FANCD2OS: variants seen among roughly 807,000 people sequenced by gnomAD.
The protein encoded by FANCD2OS is FANCD2 opposite strand.
In FANCD2OS, 11 loss-of-function variants were observed where a neutral mutation model predicts 13.2. The ratio of observed to expected loss-of-function variants is 0.83; its 90% CI spans 0.52 to 1.38. The LOEUF (loss-of-function observed/expected upper bound fraction) is 1.38. FANCD2OS is among the 40% of genes most tolerant of loss of function. The pLI, the probability that FANCD2OS is intolerant of heterozygous loss-of-function variation, is 0.00. For synonymous variants in FANCD2OS, 69 were observed against 84.5 expected (o/e 0.82, Z 1.01); for missense variants, 217 against 213.9 (o/e 1.01, Z -0.09).
downstream of FANCD2OS, among the ~76,000 whole-genome samples, chr3:10,102,111 C>T (rs1367048818): frequency 6.7e-6 from 1 of 149,668 alleles, no homozygotes; most frequent in Non-Finnish European, 1.5e-5. Flanking sequence ...TCTGATCTTT[C>T]TGGAGGATTG....
chr3:10,096,424 T>C lies in FANCD2OS; in HGVS notation c.*43+7774A>G, dbSNP rs752376206. 1.2e-6 allele frequency: 2 copies of C among 1,614,136 alleles called. No homozygotes were observed. Among genetic ancestry groups the C allele is most frequent in the East Asian group, 4.5e-5 (2 of 44,882 alleles). ...TCAAAGCTATGCTCACTCTCAACAA[T>C]TGTAGAGAGGCTTTCTGGCTGGGCA... On this transcript the variant is annotated intron_variant, in intron 2 of 2. Coordinates refer to the FANCD2OS transcript ENST00000524279.
At chr3:10,093,748 G>A (rs1377442282) in intron 2 of FANCD2OS, among the ~76,000 whole-genome samples, 1 of 152,166 alleles carries the variant, frequency 6.6e-6, no homozygotes, top group East Asian at 1.9e-4. Flanking sequence ...CCCTAGATTT[G>A]ATGGGAAGTC....
chr3:10,081,635 C>A, intron 2 of FANCD2OS: 1 of 683,328 alleles, frequency 1.5e-6, no homozygotes, highest in African/African-American at 1.8e-5. Flanking sequence ...TGATCTTGTA[C>A]CCTCTGAGTC....
At position 10,104,083 on chromosome 3, in the gene FANCD2OS, G is replaced by A. The variant is rs1214184109; in HGVS notation, c.*158C>T. The A allele has an allele frequency of 3.1e-6, 2 of 642,608 alleles. No individual in the cohort carries two copies. Among genetic ancestry groups the A allele is most frequent in the African/African-American group, 1.8e-5 (1 of 54,516 alleles). 39.8% of individuals were successfully genotyped at this position (642,608 alleles called of 1,614,324 possible). Reference sequence around the variant, plus strand: ...TCTATCATTGGTCCTTTTTTGGAGGGGAAGGGATGAAAGGGGCTCCTGAAT... The same window carrying A: ...TCTATCATTGGTCCTTTTTTGGAGGAGAAGGGATGAAAGGGGCTCCTGAAT... On this transcript the variant is annotated 3_prime_UTR_variant, in exon 2 of 2. Coordinates refer to ENST00000450660, the MANE Select transcript of FANCD2OS (RefSeq NM_001164839.2).
intron 2 of FANCD2OS, among the ~76,000 whole-genome samples, chr3:10,093,819 A>T (rs1694795848): frequency 6.6e-6 from 1 of 152,166 alleles, no homozygotes; most frequent in Non-Finnish European, 1.5e-5. Context: ...TTCCAAGTGG[A>T]TGGTGCCCCA....
chr3:10,083,814 G>A (rs756886854), intron 2 of FANCD2OS: 2 of 148,488 alleles, frequency 1.3e-5, no homozygotes, highest in Non-Finnish European at 3.0e-5. Flanking sequence ...CCTTAACCCG[G>A]GAGGTGGAGC....
At chr3:10,081,516 G>A (rs1176543357) in exon 3 of FANCD2OS, 2 of 1,214,222 alleles carry the variant, frequency 1.6e-6, no homozygotes, top group Non-Finnish European at 2.5e-6. Context: ...GCTTTTATTT[G>A]ACAGTCACCA....
downstream of FANCD2OS, chr3:10,099,500 C>T (rs11716842): frequency 0.33 from 77,459 of 235,388 alleles, 15,197 homozygotes; most frequent in Middle Eastern, 0.45. Context: ...TGGCTCACAC[C>T]TGTAATCCCA....
At chr3:10,096,560 C>T (rs1448918574) in intron 2 of FANCD2OS, 35 of 1,257,016 alleles carry the variant, frequency 2.8e-5, no homozygotes, top group Non-Finnish European at 4.0e-5. Flanking sequence ...CACCTAAGCC[C>T]TCGTCTCTCA....
intron 2 of FANCD2OS, chr3:10,087,280 C>CATT: frequency 1.6e-6 from 2 of 1,272,488 alleles, no homozygotes; most frequent in Non-Finnish European, 1.1e-6. Context: ...GGGCCTAGAT[C>CATT]CTTTTTTTTT....
chr3:10,105,933 G>T (rs988147321), intron 1 of FANCD2OS, among the ~76,000 whole-genome samples: 1 of 150,666 alleles, frequency 6.6e-6, no homozygotes, highest in Non-Finnish European at 1.5e-5. Context: ...CAAACTCCAC[G>T]TGGGACCCAG....
intron 1 of FANCD2OS, among the ~76,000 whole-genome samples, chr3:10,105,775 TA>T (rs1695474194): frequency 1.9e-4 from 2 of 10,258 alleles, no homozygotes; most frequent in African/African-American, 1.2e-3. Context: ...AAAAAAATTA[TA>T]TATATATATA....
intron 2 of FANCD2OS, chr3:10,087,033 G>T: frequency 7.7e-7 from 1 of 1,305,076 alleles, no homozygotes; most frequent in Non-Finnish European, 1.1e-6. Flanking sequence ...TGATTAGGCC[G>T]TCAAACACTG....
At position 10,104,623 on chromosome 3, in the gene FANCD2OS, C is replaced by A. The variant is rs764477990; in HGVS notation, c.152G>T (p.Cys51Phe). ...TAGGACTAGAGTGACCTCTTGAAAG[C>A]ACAGCTGCACTTCAAGGTCGGACGG... ...HTPSDLEVQL[C>F]FQEVTLVLDS... The change falls in exon 2 of 2, where the codon TGC becomes TTC. Residue 51 changes from cysteine to phenylalanine, a missense_variant. Physicochemically the swap from Cys to Phe is radical, Grantham distance 205 (BLOSUM62 -2). Coordinates refer to ENST00000450660, the MANE Select transcript of FANCD2OS (RefSeq NM_001164839.2). 11 of 1,614,160 alleles carry A rather than the reference C, an allele frequency of 6.8e-6. No individual in the cohort carries two copies. In the South Asian group the frequency reaches 8.8e-5, roughly 13 times the overall value.
intron 1 of FANCD2OS, among the ~76,000 whole-genome samples, 159 bp from the exon 2 acceptor site, chr3:10,104,941 T>C (rs1308506860): frequency 1.3e-5 from 2 of 152,154 alleles, no homozygotes; most frequent in Non-Finnish European, 2.9e-5. Flanking sequence ...AATTATTTTA[T>C]TTTATTTTAT....
intron 2 of FANCD2OS, chr3:10,094,263 G>A (rs1217501176): frequency 3.1e-6 from 5 of 1,598,162 alleles, no homozygotes; most frequent in South Asian, 1.1e-5. Flanking sequence ...CTCAGCTAGA[G>A]GTAACAGTGT....
chr3:10,092,221 G>A (rs772180708), intron 2 of FANCD2OS: 6 of 1,613,958 alleles, frequency 3.7e-6, no homozygotes, highest in East Asian at 2.2e-5. Flanking sequence ...ATGGCTGTTC[G>A]AGACTTCAGT....
At chr3:10,107,233 TAA>T in intron 1 of FANCD2OS, among the ~76,000 whole-genome samples, 1 of 152,274 alleles carries the variant, frequency 6.6e-6, no homozygotes, top group Admixed American at 6.5e-5. Flanking sequence ...AGCATATTTT[TAA>T]TCCCAGAATA....
downstream of FANCD2OS, among the ~76,000 whole-genome samples, chr3:10,100,018 T>G (rs1695209539): frequency 6.6e-6 from 1 of 151,702 alleles, no homozygotes; most frequent in Non-Finnish European, 1.5e-5. Context: ...ACCCCATCTC[T>G]ACAGAAAAAA....
Sources: gnomAD v4.1 joint callset for allele counts (sites outside exome capture counted in the v4.1 genomes callset) on GRCh38, gnomAD v4.1.1 for gene constraint, MANE v1.5 for transcripts, NCBI Gene and HGNC (gene_info 2026-07-23, HGNC 2026-07-21) for gene names.